CYBRD1: variants seen among roughly 807,000 people sequenced by gnomAD.
The protein encoded by CYBRD1 is plasma membrane ascorbate-dependent reductase CYBRD1.
In CYBRD1, 14 loss-of-function variants were observed where a neutral mutation model predicts 21.9. The ratio of observed to expected loss-of-function variants is 0.64; its 90% confidence interval spans 0.42 to 1.00. CYBRD1 has a LOEUF of 1.00. CYBRD1 is among the 50% of genes least tolerant of loss of function. CYBRD1 has a pLI of 0.00. For missense variants in CYBRD1, 328 were observed against 352.5 expected, an observed-to-expected ratio of 0.93 and a Z score of 0.56; for synonymous variants, 146 against 136.5, an observed-to-expected ratio of 1.07 and a Z score of -0.48.
At chr2:171,544,384 C>CTA (rs770077799) in intron 2 of CYBRD1, among the ~76,000 whole-genome samples, 1 of 152,140 alleles carries the variant, frequency 6.6e-6, no homozygotes, top group Non-Finnish European at 1.5e-5. Context: ...TCCTCTGAGA[C>CTA]TATCATTCTT....
rs141643428 is a variant in CYBRD1, at chr2:171,555,407, C to T, written c.*580C>T. The stretch of plus-strand genomic sequence containing the variant: ...CAGCTGGTTTGGGCTCAAATTGTCC[C>T]TGGAGACTAGGGTTTATGTTAGGGT... On this transcript the variant is annotated 3_prime_UTR_variant, in exon 4 of 4. Transcript: ENST00000321348. 1 of 158,364 alleles carries T rather than the reference C, an allele frequency of 6.3e-6. No individual in the cohort carries two copies. Among genetic ancestry groups the T allele is most frequent in the East Asian group, 1.9e-4 (1 of 5,390 alleles). The allele number at this position is 158,364 out of a possible 1,614,324, so 9.8% of individuals were successfully genotyped here. A position where few individuals can be genotyped will look rare whatever the true frequency, so the allele number is the denominator to read the frequency against.
chr2:171,522,465 C>T (rs1697320437), upstream of CYBRD1: 6 of 1,539,862 alleles, frequency 3.9e-6, no homozygotes, highest in Non-Finnish European at 5.2e-6. This position sits in a 1 kb window ranked among gnomAD's most constrained non-coding sequence, Gnocchi z 4.3. Context: ...GCCCCGGTCC[C>T]GCCGCCCGGC....
intron 1 of CYBRD1, chr2:171,540,984 T>G (rs888570709): frequency 1.9e-5 from 3 of 157,616 alleles, no homozygotes; most frequent in African/African-American, 7.2e-5. Context: ...AGGCTGGTCT[T>G]GAACTGCTGA....
rs568570365 is a variant in CYBRD1 at position 171,529,005 on chromosome 2, T to C, written c.193+6267T>C. Reference sequence around the variant, plus strand: ...TTGTCTGTCTTCTCCTACTAGAATATAAACTCCCAGAAGGAAGGGATTTTG... The same window carrying C: ...TTGTCTGTCTTCTCCTACTAGAATACAAACTCCCAGAAGGAAGGGATTTTG... On this transcript the variant is annotated intron_variant, in intron 1 of 3. Coordinates refer to ENST00000321348, the MANE Select transcript of CYBRD1 (RefSeq NM_024843.4). 3.9e-5 allele frequency among the ~76,000 whole-genome samples: 6 copies of C among 152,386 alleles called. No homozygotes were observed. In the East Asian group the frequency reaches 1.2e-3, roughly 29 times the overall value.
Position 171,554,631 on chromosome 2 carries a change from C to G in CYBRD1, c.665C>G (p.Pro222Arg), listed in dbSNP as rs757085502. ...CTCATTTTTTGGATAGTCACCAGACCGCAATGGAAACGTCCTAAGGAGCCA... is the reference window on the plus strand; with the variant it reads ...CTCATTTTTTGGATAGTCACCAGACGGCAATGGAAACGTCCTAAGGAGCCA... ...GALIFWIVTR[P>R]QWKRPKEPNS... Residue 222 changes from proline to arginine, a missense_variant, in exon 4 of 4, where the codon CCG becomes CGG. Pro to Arg is a moderately radical substitution (Grantham distance 103). Transcript: ENST00000321348. 3 of 1,613,994 alleles carry G rather than the reference C, an allele frequency of 1.9e-6. No homozygotes were observed. The highest frequency in any genetic ancestry group is 1.7e-5 in the Admixed American group (1 of 59,984).
At position 171,554,387 on chromosome 2, in the gene CYBRD1, T is replaced by A. The variant is rs138600452; in HGVS notation, c.558-137T>A. On this transcript the variant is annotated intron_variant, in intron 3 of 3. Transcript: ENST00000321348. Reference sequence around the variant, plus strand: ...CCCGAGTGAATTGTAGCATAATTTATATTTCTCCTTAATAGCAAGCTTTGA... The same window carrying A: ...CCCGAGTGAATTGTAGCATAATTTAAATTTCTCCTTAATAGCAAGCTTTGA... 1.5e-3 allele frequency: 1,125 copies of A among 739,342 alleles called. 10 individuals are homozygous for A. The East Asian group carries it at 0.017, about 11-fold the overall frequency. The allele number at this position is 739,342 out of a possible 1,614,324, so 45.8% of individuals were successfully genotyped here. A position where few individuals can be genotyped will look rare whatever the true frequency, so the allele number is the denominator to read the frequency against.
At chr2:171,536,125 T>G (rs1390631328) in intron 1 of CYBRD1, among the ~76,000 whole-genome samples, 2 of 138,066 alleles carry the variant, frequency 1.4e-5, no homozygotes, top group East Asian at 2.1e-4. Context: ...GATATCATGA[T>G]AGTTACTCTT....
At position 171,554,796 on chromosome 2, in the gene CYBRD1, T is replaced by C. The variant is rs748357271; in HGVS notation, c.830T>C (p.Leu277Pro). 3.7e-6 allele frequency: 6 copies of C among 1,613,338 alleles called. No individual in the cohort carries two copies. Among genetic ancestry groups the C allele is most frequent in the South Asian group, 1.1e-5 (1 of 91,066 alleles). The change falls in exon 4 of 4, where the codon CTG becomes CCG. Residue 277 changes from leucine (L) to proline (P), a missense_variant. Physicochemically the swap from Leu to Pro is moderately conservative, Grantham distance 98. Transcript: ENST00000321348. ...GCAGCAAGGAAAAGAAACTTAGCTC[T>C]GGATGAGGCTGGGCAGAGATCTACC... is the stretch of plus-strand genomic sequence containing the variant. ...EVAARKRNLA[L>P]DEAGQRSTM
At chr2:171,526,423 C>T (rs1399042278) in intron 1 of CYBRD1, among the ~76,000 whole-genome samples, 3 of 151,330 alleles carry the variant, frequency 2.0e-5, no homozygotes, top group Non-Finnish European at 4.4e-5. Flanking sequence ...TCCTTTCCCC[C>T]TCTCTCTCCC....
intron 2 of CYBRD1, among the ~76,000 whole-genome samples, chr2:171,552,886 T>C (rs1184771187): frequency 6.6e-6 from 1 of 152,206 alleles, no homozygotes; most frequent in Non-Finnish European, 1.5e-5. Flanking sequence ...AAAAATCTTT[T>C]CCTTCCCTTC....
At chr2:171,545,847 GTTC>G (rs1697704903) in intron 2 of CYBRD1, among the ~76,000 whole-genome samples, 1 of 151,998 alleles carries the variant, frequency 6.6e-6, no homozygotes, top group Non-Finnish European at 1.5e-5. Flanking sequence ...GAGCATTCCA[GTTC>G]TTCTCTTCTA....
At chr2:171,538,769 T>C (rs936100306) in intron 1 of CYBRD1, among the ~76,000 whole-genome samples, 3 of 152,170 alleles carry the variant, frequency 2.0e-5, no homozygotes, top group Non-Finnish European at 4.4e-5. Context: ...ATCCCTTATA[T>C]TTTTATAATC....
chr2:171,527,540 C>G (rs1697402819), intron 1 of CYBRD1, among the ~76,000 whole-genome samples: 1 of 152,178 alleles, frequency 6.6e-6, no homozygotes, highest in African/African-American at 2.4e-5. Context: ...CCTGTTCAGC[C>G]AGTTTAAAAG....
chr2:171,528,936 A>G (rs1015156156), intron 1 of CYBRD1, among the ~76,000 whole-genome samples: 4 of 152,230 alleles, frequency 2.6e-5, no homozygotes, highest in African/African-American at 9.6e-5. Context: ...CTCTGAATTC[A>G]AAATACAGTA....
chr2:171,541,629 C>G lies in CYBRD1; in HGVS notation c.238C>G (p.Leu80Val), dbSNP rs760487060. 1.2e-6 allele frequency: 2 copies of G among 1,613,982 alleles called. No homozygotes were observed. The highest frequency in any genetic ancestry group is 1.7e-6 in the Non-Finnish European group (2 of 1,179,984). ...GCCGTGGACCTGGAAATGCAGCAAG[C>G]TCCTGATGAAATCCATCCATGCAGG... ...RLPWTWKCSK[L>V]LMKSIHAGLN... Residue 80 changes from leucine (L) to valine (V), a missense_variant, in exon 2 of 4, where the codon CTC becomes GTC. Transcript: ENST00000321348.
Position 171,555,286 on chromosome 2 carries a change from C to T in CYBRD1, c.*459C>T, listed in dbSNP as rs1465151392. ...GGAATATCTGGGACAGGGTTTAGATCATGACTCTACACAGATACCATGATG... is the reference window on the plus strand; with the variant it reads ...GGAATATCTGGGACAGGGTTTAGATTATGACTCTACACAGATACCATGATG... On this transcript the variant is annotated 3_prime_UTR_variant, in exon 4 of 4. Coordinates refer to ENST00000321348, the MANE Select transcript of CYBRD1 (RefSeq NM_024843.4). The T allele has an allele frequency of 3.5e-5, 8 of 230,744 alleles. No individual in the cohort carries two copies. The highest frequency in any genetic ancestry group is 3.2e-3 in the Middle Eastern group (2 of 634). The allele number at this position is 230,744 out of a possible 1,614,324, so 14.3% of individuals were successfully genotyped here.
At position 171,553,363 on chromosome 2, in the gene CYBRD1, A is replaced by C. The variant is rs774602397; in HGVS notation, c.420A>C (p.Ser140=). 2 of 1,613,464 alleles carry C rather than the reference A, an allele frequency of 1.2e-6. No individual in the cohort carries two copies. The highest frequency in any genetic ancestry group is 2.7e-5 in the African/African-American group (2 of 74,894). ...GTGTTTAGCTTCTTTCAGGTTTTTCAGTCTTTCTGCTTCCATGGGCTCCGC... is the reference window on the plus strand; with the variant it reads ...GTGTTTAGCTTCTTTCAGGTTTTTCCGTCTTTCTGCTTCCATGGGCTCCGC... ...CYLLQLLSGF[S]VFLLPWAPLS... The change falls in exon 3 of 4, where the codon TCA becomes TCC. Residue 140 remains serine, a synonymous_variant. Coordinates refer to ENST00000321348, the MANE Select transcript of CYBRD1 (RefSeq NM_024843.4).
At chr2:171,547,984 G>C (rs1331733353) in intron 2 of CYBRD1, among the ~76,000 whole-genome samples, 1 of 152,152 alleles carries the variant, frequency 6.6e-6, no homozygotes, top group Non-Finnish European at 1.5e-5. Context: ...CCAAGTTGAT[G>C]TGATGAAAAG....
intron 1 of CYBRD1, among the ~76,000 whole-genome samples, chr2:171,525,947 TAAAAAAAA>T (rs58388653): frequency 1.6e-4 from 10 of 61,986 alleles, no homozygotes; most frequent in East Asian, 5.8e-4. Flanking sequence ...AACTCCCGTC[TAAAAAAAA>T]AAAAAAAAAA....
Sources: allele counts gnomAD v4.1 joint callset (sites outside exome capture counted in the v4.1 genomes callset), GRCh38; gene constraint gnomAD v4.1.1; non-coding constraint Gnocchi (gnomAD v3.1); transcripts MANE v1.5; gene names NCBI Gene and HGNC (gene_info 2026-07-23, HGNC 2026-07-21).